The following KCNMA1 variants were observed in gnomAD, a reference collection of about 807,000 sequenced individuals.
KCNMA1 encodes the protein potassium calcium-activated channel subfamily M alpha 1, also known as Calcium-activated potassium channel subunit alpha-1.
Under a neutral mutation model 140.0 loss-of-function variants are expected in KCNMA1, and 29 were observed. That is an observed-to-expected ratio of 0.21 (90% confidence interval 0.15 to 0.28). The LOEUF (loss-of-function observed/expected upper bound fraction) is 0.28. Among genes scored for constraint, KCNMA1 ranks in the 10% least tolerant of loss-of-function variants. The pLI, the probability that KCNMA1 is intolerant of heterozygous loss-of-function variation, is 1.00. For missense variants in KCNMA1, 880 were observed against 1,602.2 expected, an observed-to-expected ratio of 0.55 and a Z score of 7.70; for synonymous variants, 612 against 611.9, an observed-to-expected ratio of 1.00 and a Z score of 0.00.
chr10:77,408,111 C>T (rs2096530789), intron 1 of KCNMA1, among the ~76,000 whole-genome samples: 1 of 152,168 alleles, frequency 6.6e-6, no homozygotes, highest in Non-Finnish European at 1.5e-5. Context: ...CCCCTTCTGA[C>T]TCGCCCCATT....
chr10:77,298,705 T>G (rs76409132), intron 2 of KCNMA1, among the ~76,000 whole-genome samples: 3,906 of 152,236 alleles, frequency 0.026, 157 homozygotes, highest in African/African-American at 0.09. Context: ...CCTCATTTGA[T>G]TTCCCTCCCA....
chr10:77,545,430 C>G (rs1477856405), intron 1 of KCNMA1, among the ~76,000 whole-genome samples: 1 of 152,186 alleles, frequency 6.6e-6, no homozygotes, highest in Non-Finnish European at 1.5e-5. Context: ...GAATCCTCCA[C>G]ACACGAATCA....
At chr10:77,096,203 G>C (rs1209104090) in intron 9 of KCNMA1, among the ~76,000 whole-genome samples, 2 of 152,120 alleles carry the variant, frequency 1.3e-5, no homozygotes, top group Non-Finnish European at 2.9e-5. Flanking sequence ...GAAAGCAGCT[G>C]GTGCCAGGGA....
chr10:77,318,993 C>T (rs1342761038), intron 2 of KCNMA1, among the ~76,000 whole-genome samples: 1 of 152,170 alleles, frequency 6.6e-6, no homozygotes, highest in African/African-American at 2.4e-5. Context: ...TTCATTCACC[C>T]ACAAACATGC....
At position 76,877,990 on chromosome 10, in the gene KCNMA1, A is replaced by G. The variant is rs191826840; in HGVS notation, c.3428-100T>C. The G allele has an allele frequency of 2.1e-4, 251 of 1,200,066 alleles. 1 individual carries two copies. In the African/African-American group the frequency reaches 3.5e-3, roughly 17 times the overall value. The allele number at this position is 1,200,066 out of a possible 1,614,324, so 74.3% of individuals were successfully genotyped here. ...GGAAAGTTCATTGAAAAACGCAAAAAGGTAATCGATAGAAGCCGACAGTGA... is the reference window on the plus strand; with the variant it reads ...GGAAAGTTCATTGAAAAACGCAAAAGGGTAATCGATAGAAGCCGACAGTGA... On this transcript the variant is annotated intron_variant, in intron 29 of 29. Transcript: ENST00000372403.
At chr10:77,353,919 C>T (rs906905991) in intron 2 of KCNMA1, among the ~76,000 whole-genome samples, 30 of 147,724 alleles carry the variant, frequency 2.0e-4, no homozygotes, top group Non-Finnish European at 4.4e-5. Context: ...CTCAGGCAGC[C>T]TGGCTACAGG....
At chr10:77,171,650 T>C (rs1009811957) in intron 5 of KCNMA1, among the ~76,000 whole-genome samples, 1 of 152,134 alleles carries the variant, frequency 6.6e-6, no homozygotes, top group African/African-American at 2.4e-5. Context: ...TCTAACATAC[T>C]GCCAAGATCA....
intron 1 of KCNMA1, among the ~76,000 whole-genome samples, chr10:77,433,098 A>C (rs1189627981): frequency 6.6e-6 from 1 of 152,216 alleles, no homozygotes; most frequent in Non-Finnish European, 1.5e-5. Context: ...ATTTTTCAAA[A>C]CAAAGGTGAT....
chr10:77,242,804 C>A (rs2057590483), intron 3 of KCNMA1, among the ~76,000 whole-genome samples: 1 of 151,946 alleles, frequency 6.6e-6, no homozygotes, highest in Admixed American at 6.6e-5. Flanking sequence ...ACAGACAGCT[C>A]TCAGCCTCAT....
chr10:77,623,199 A>G (rs1282453735), intron 1 of KCNMA1, among the ~76,000 whole-genome samples: 2 of 152,212 alleles, frequency 1.3e-5, no homozygotes, highest in African/African-American at 4.8e-5. Flanking sequence ...AACTTAGGAG[A>G]GATTTGCATG....
At chr10:77,448,354 T>C (rs927174263) in intron 1 of KCNMA1, among the ~76,000 whole-genome samples, 11 of 152,174 alleles carry the variant, frequency 7.2e-5, no homozygotes, top group Admixed American at 5.9e-4. Context: ...TGATATCAAC[T>C]GGAGTCTGCT....
In KCNMA1 at chr10:77,189,519, A is replaced by C. The variant is rs570654651; in HGVS notation, c.603-4603T>G. On this transcript the variant is annotated intron_variant, in intron 3 of 27. Coordinates refer to ENST00000286628, the MANE Select transcript of KCNMA1 (RefSeq NM_001161352.2). ...ATTTTAGATTAAGATTAAAAGGAAA[A>C]ATGATGAAGTACAGATGGGGAGGGG... Among the ~76,000 whole-genome samples the C allele has an allele frequency of 3.9e-5, 6 of 152,268 alleles. No individual in the cohort carries two copies. In the South Asian group the frequency reaches 1.2e-3, roughly 32 times the overall value.
intron 23 of KCNMA1, among the ~76,000 whole-genome samples, chr10:76,932,591 G>T (rs921062867): frequency 6.6e-6 from 1 of 152,008 alleles, no homozygotes; most frequent in Non-Finnish European, 1.5e-5. Flanking sequence ...CTGATCCCTC[G>T]GTGTTTTGGG....
intron 6 of KCNMA1, among the ~76,000 whole-genome samples, chr10:77,113,813 A>C (rs911330614): frequency 2.6e-5 from 4 of 152,304 alleles, no homozygotes; most frequent in African/African-American, 9.6e-5. Flanking sequence ...GGTTTACAAC[A>C]TGATATTACC....
intron 1 of KCNMA1, among the ~76,000 whole-genome samples, chr10:77,413,833 G>A (rs1317200154): frequency 2.6e-5 from 4 of 152,178 alleles, no homozygotes; most frequent in Admixed American, 2.6e-4. Context: ...CTTTAGGGAA[G>A]GGACACACTG....
At chr10:77,439,150 A>AGAAGAGAAGAGAAGAGAAG (rs1566858870) in intron 1 of KCNMA1, among the ~76,000 whole-genome samples, 6 of 64,248 alleles carry the variant, frequency 9.3e-5, no homozygotes, top group African/African-American at 2.9e-4. Flanking sequence ...GAGAAGAGAA[A>AGAAGAGAAGAGAAGAGAAG]AGAGAAGAGA....
intron 2 of KCNMA1, among the ~76,000 whole-genome samples, chr10:77,382,994 G>GTATATATATATATATATATA (rs544257955): frequency 2.2e-5 from 1 of 46,434 alleles, no homozygotes; most frequent in African/African-American, 9.5e-5. Flanking sequence ...GTGTGTGTGT[G>GTATATATATATATATATATA]TATATATATA....
chr10:77,616,300 G>A (rs939262076), intron 1 of KCNMA1, among the ~76,000 whole-genome samples: 1 of 152,158 alleles, frequency 6.6e-6, no homozygotes, highest in Non-Finnish European at 1.5e-5. Flanking sequence ...GAAACAGAGT[G>A]ACCAATGACC....
chr10:77,219,621 TG>T (rs1305356523), intron 3 of KCNMA1, among the ~76,000 whole-genome samples: 2 of 152,196 alleles, frequency 1.3e-5, no homozygotes, highest in Non-Finnish European at 2.9e-5. Context: ...TTGTTCGTTT[TG>T]TTTTGTTTTG....
Sources: allele counts gnomAD v4.1 joint callset (sites outside exome capture counted in the v4.1 genomes callset), GRCh38; gene constraint gnomAD v4.1.1; transcripts MANE v1.5; gene names NCBI Gene and HGNC (gene_info 2026-07-23, HGNC 2026-07-21).